CDKAL1: variants seen among roughly 807,000 people sequenced by gnomAD.
CDKAL1 encodes CDKAL1 threonylcarbamoyladenosine tRNA methylthiotransferase, also known as threonylcarbamoyladenosine tRNA methylthiotransferase.
A neutral mutation model predicts 68.2 loss-of-function variants in CDKAL1; 32 were observed. That is an observed-to-expected ratio of 0.47 (90% CI 0.35 to 0.63). The LOEUF (loss-of-function observed/expected upper bound fraction) is 0.63. Among genes scored for constraint, CDKAL1 ranks in the 30% least tolerant of loss-of-function variants. CDKAL1 has a pLI of 0.00. For missense variants in CDKAL1, 606 were observed against 696.7 expected (o/e 0.87, Z 1.47); for synonymous variants, 234 against 244.3 (o/e 0.96, Z 0.39).
At chr6:21,169,662 T>C (rs1159275622) in intron 13 of CDKAL1, among the ~76,000 whole-genome samples, 2 of 152,072 alleles carry the variant, frequency 1.3e-5, no homozygotes, top group African/African-American at 2.4e-5. Flanking sequence ...AAATTTCTGA[T>C]GAATGTGGTA....
chr6:20,732,263 C>CTTTTTTT (rs56911987), intron 5 of CDKAL1, among the ~76,000 whole-genome samples: 199 of 83,466 alleles, frequency 2.4e-3, no homozygotes, highest in African/African-American at 4.1e-3. Context: ...TTCTTTCTTT[C>CTTTTTTT]TTTTTTTTTT....
chr6:21,140,632 C>G (rs541892869), intron 13 of CDKAL1, among the ~76,000 whole-genome samples: 1 of 152,100 alleles, frequency 6.6e-6, no homozygotes. Flanking sequence ...ACTGGCATTA[C>G]GCTCCCAGGG....
chr6:20,574,173 T>A (rs181819964), intron 4 of CDKAL1, among the ~76,000 whole-genome samples: 4 of 152,302 alleles, frequency 2.6e-5, no homozygotes, highest in African/African-American at 9.6e-5. Flanking sequence ...ATAAGCTTTT[T>A]AATATGGACC....
intron 10 of CDKAL1, among the ~76,000 whole-genome samples, chr6:20,957,734 GC>G (rs1274560290): frequency 2.6e-5 from 4 of 152,088 alleles, no homozygotes; most frequent in Non-Finnish European, 5.9e-5. Flanking sequence ...CCTTTGGGAG[GC>G]CGAGGCAGGT....
intron 8 of CDKAL1, among the ~76,000 whole-genome samples, chr6:20,809,629 C>A (rs1581622326): frequency 6.6e-6 from 1 of 152,024 alleles, no homozygotes; most frequent in East Asian, 1.9e-4. Context: ...ATGCATCATT[C>A]TAGTGAATAC....
At chr6:21,034,502 T>G (rs1313845699) in intron 11 of CDKAL1, among the ~76,000 whole-genome samples, 2 of 152,228 alleles carry the variant, frequency 1.3e-5, no homozygotes, top group Non-Finnish European at 2.9e-5. Context: ...AAGTGGCCAA[T>G]TAAAGCAGCT....
At chr6:20,873,729 G>C (rs1269287345) in intron 9 of CDKAL1, among the ~76,000 whole-genome samples, 1 of 152,146 alleles carries the variant, frequency 6.6e-6, no homozygotes, top group Non-Finnish European at 1.5e-5. Flanking sequence ...ATTTCCGTGG[G>C]TGTTTTAAAA....
chr6:20,605,977 G>A (rs1766317307), intron 4 of CDKAL1, among the ~76,000 whole-genome samples: 2 of 152,054 alleles, frequency 1.3e-5, no homozygotes, highest in Non-Finnish European at 2.9e-5. Context: ...CTCTGTCTTA[G>A]TGCAGAGTCT....
At chr6:20,756,917 T>TTCCTTCCCTTCCTTCCC (rs1774231886) in intron 6 of CDKAL1, 1 of 81,772 alleles carries the variant, frequency 1.2e-5, no homozygotes, top group Non-Finnish European at 2.6e-5. Flanking sequence ...CCTTCCTTCC[T>TTCCTTCCCTTCCTTCCC]TCCTTCCCTC....
At chr6:20,545,496 G>C (rs920265906) in intron 2 of CDKAL1, among the ~76,000 whole-genome samples, 2 of 152,006 alleles carry the variant, frequency 1.3e-5, no homozygotes, top group African/African-American at 4.8e-5. Context: ...GAGTGCAGTG[G>C]TGCACTCTCG....
At chr6:20,952,870 T>C (rs1246631989) in intron 9 of CDKAL1, among the ~76,000 whole-genome samples, 3 of 152,230 alleles carry the variant, frequency 2.0e-5, no homozygotes, top group African/African-American at 7.2e-5. Context: ...AGCGTCACTT[T>C]TAGTATGTAA....
chr6:21,011,422 G>T (rs1439624529), intron 11 of CDKAL1, among the ~76,000 whole-genome samples: 1 of 152,052 alleles, frequency 6.6e-6, no homozygotes, highest in Admixed American at 6.6e-5. Context: ...TTGAATTCTG[G>T]AAATAAGATC....
chr6:21,208,044 T>C (rs774458980), intron 15 of CDKAL1, among the ~76,000 whole-genome samples: 4 of 151,878 alleles, frequency 2.6e-5, no homozygotes, highest in Non-Finnish European at 5.9e-5. Context: ...GAGAATATTC[T>C]AGAATGGAGG....
intron 9 of CDKAL1, among the ~76,000 whole-genome samples, chr6:20,870,986 A>G (rs939832371): frequency 6.6e-6 from 1 of 152,176 alleles, no homozygotes; most frequent in Non-Finnish European, 1.5e-5. Flanking sequence ...GGAAAAATCC[A>G]AGAGTAAGTT....
At chr6:20,990,504 C>T (rs1304931645) in intron 10 of CDKAL1, among the ~76,000 whole-genome samples, 2 of 152,144 alleles carry the variant, frequency 1.3e-5, no homozygotes, top group East Asian at 1.9e-4. Flanking sequence ...ATACTGAAAA[C>T]GTTAACTCTT....
chr6:20,802,229 C>T (rs1423624960), intron 8 of CDKAL1, among the ~76,000 whole-genome samples: 1 of 151,450 alleles, frequency 6.6e-6, no homozygotes, highest in African/African-American at 2.4e-5. Flanking sequence ...ACCCAGGAGG[C>T]GGAGGTTCCA....
chr6:20,663,725 A>G (rs540155166), intron 5 of CDKAL1, among the ~76,000 whole-genome samples: 19 of 152,300 alleles, frequency 1.2e-4, no homozygotes, highest in African/African-American at 3.1e-4. Context: ...CTGTGATATA[A>G]TAATCATAAG....
At chr6:20,913,262 G>C (rs1762555573) in intron 9 of CDKAL1, among the ~76,000 whole-genome samples, 1 of 152,108 alleles carries the variant, frequency 6.6e-6, no homozygotes, top group Admixed American at 6.5e-5. Context: ...TCACAAGTTA[G>C]TCAATGCTGA....
intron 12 of CDKAL1, among the ~76,000 whole-genome samples, chr6:21,106,515 G>T (rs935715610): frequency 6.6e-6 from 1 of 152,238 alleles, no homozygotes; most frequent in Non-Finnish European, 1.5e-5. Context: ...GCCCAAGGCT[G>T]CAGTGAGCGA....
Sources: gnomAD v4.1 joint callset for allele counts (sites outside exome capture counted in the v4.1 genomes callset) on GRCh38, gnomAD v4.1.1 for gene constraint, MANE v1.5 for transcripts, NCBI Gene and HGNC (gene_info 2026-07-23, HGNC 2026-07-21) for gene names.